The following DHX38 variants were observed in gnomAD, a reference collection of about 807,000 sequenced individuals.
DHX38 encodes the protein DEAH-box helicase 38.
DHX38 carries 100 observed loss-of-function variants against 153.1 expected under a neutral mutation model. The ratio of observed to expected loss-of-function variants is 0.65; its 90% CI spans 0.56 to 0.77. The LOEUF is 0.77. DHX38 is among the 30% of genes least tolerant of loss of function. The pLI, the probability that DHX38 is intolerant of heterozygous loss-of-function variation, is 0.00. For synonymous variants in DHX38, 650 were observed against 631.7 expected (o/e 1.03, Z -0.43); for missense variants, 1,440 against 1,654.0 (o/e 0.87, Z 2.24).
chr16:72,110,317 T>C (rs2042240527), intron 25 of DHX38, among the ~76,000 whole-genome samples: 2 of 152,266 alleles, frequency 1.3e-5, no homozygotes, highest in South Asian at 4.1e-4. Flanking sequence ...AGATCCCGGC[T>C]GAGCTGCGTG....
rs191487838 is a variant in DHX38 at position 72,098,554 on chromosome 16, T to C, written c.617-91T>C. The C allele has an allele frequency of 1.8e-5, 27 of 1,508,546 alleles. No homozygotes were observed. In the East Asian group the frequency reaches 6.2e-4, roughly 35 times the overall value. The allele number at this position is 1,508,546 out of a possible 1,614,324, so 93.4% of individuals were successfully genotyped here. ...CAAGGTTTAGAAATAGTAAAAGGAGTAAATTTGGGGAATTGACTTTTGGCA... is the reference window on the plus strand; with the variant it reads ...CAAGGTTTAGAAATAGTAAAAGGAGCAAATTTGGGGAATTGACTTTTGGCA... On this transcript the variant is annotated intron_variant, in intron 4 of 26. Transcript: ENST00000268482.
chr16:72,101,228 G>A (rs1597442060), intron 10 of DHX38, 35 bp downstream of exon 10: 5 of 1,610,914 alleles, frequency 3.1e-6, no homozygotes, highest in African/African-American at 1.3e-5. Flanking sequence ...GGAAGTTTAT[G>A]TGTATTTTTT....
chr16:72,095,497 G>A (rs1406626023), intron 1 of DHX38, among the ~76,000 whole-genome samples: 1 of 152,132 alleles, frequency 6.6e-6, no homozygotes, highest in African/African-American at 2.4e-5. Flanking sequence ...AAAAAAATGG[G>A]TGAGGGACCA....
intron 12 of DHX38, 111 bp downstream of exon 12, chr16:72,103,322 G>A (rs1391355347): frequency 7.0e-6 from 10 of 1,427,290 alleles, no homozygotes; most frequent in Non-Finnish European, 9.4e-6. Context: ...GTGGAGAAGG[G>A]AAATACTTTT....
chr16:72,110,539 T>C (rs1047922429), intron 25 of DHX38, among the ~76,000 whole-genome samples: 4 of 152,218 alleles, frequency 2.6e-5, no homozygotes, highest in Non-Finnish European at 4.4e-5. Context: ...ATATTTAGGG[T>C]TGCAAAATGG....
chr16:72,098,231 G>A (rs1448470738), intron 4 of DHX38, among the ~76,000 whole-genome samples: 2 of 152,026 alleles, frequency 1.3e-5, no homozygotes, highest in South Asian at 2.1e-4. Flanking sequence ...TCAGGAGTTC[G>A]AGACCAGCCT....
intron 18 of DHX38, 113 bp downstream of exon 18, chr16:72,105,737 G>A: frequency 1.1e-6 from 1 of 937,792 alleles, no homozygotes; most frequent in Non-Finnish European, 1.7e-6. Context: ...GCGCGTGGAA[G>A]TGGTGGTGGT....
In DHX38 at chr16:72,108,398, A is replaced by T; in HGVS notation, c.3120+16A>T. On this transcript the variant is annotated intron_variant, in intron 22 of 26. Coordinates refer to ENST00000268482, the MANE Select transcript of DHX38 (RefSeq NM_014003.4). ...CATGCGGAAGGTAGAGTGGTGGATG[A>T]GCAGGATGTTGGGATGAGGGGAGGG... 1 of 1,613,938 alleles carries T rather than the reference A, an allele frequency of 6.2e-7. No individual in the cohort carries two copies. The highest frequency in any genetic ancestry group is 8.5e-7 in the Non-Finnish European group (1 of 1,179,856).
At chr16:72,101,835 T>A (rs2042106128) in intron 11 of DHX38, among the ~76,000 whole-genome samples, 1 of 152,162 alleles carries the variant, frequency 6.6e-6, no homozygotes, top group Non-Finnish European at 1.5e-5. Context: ...CCTCTGGTGC[T>A]GGTGTTGTGA....
At position 72,108,362 on chromosome 16, in the gene DHX38, C is replaced by T; in HGVS notation, c.3100C>T (p.His1034Tyr). 6.2e-7 allele frequency: 1 copy of T among 1,614,156 alleles called. No individual in the cohort carries two copies. Among genetic ancestry groups the T allele is most frequent in the Non-Finnish European group, 8.5e-7 (1 of 1,180,036 alleles). Residue 1034 changes from histidine to tyrosine, a missense_variant, in exon 22 of 27, where the codon CAT becomes TAT. By Grantham distance (83) the His-to-Tyr change is moderately conservative. Transcript: ENST00000268482. ...CATCTGGTGTAACGATCATTTCATC[C>T]ATGCTAAGGCCATGCGGAAGGTAGA... ...STIWCNDHFI[H>Y]AKAMRKVREV...
At position 72,107,213 on chromosome 16, in the gene DHX38, C is replaced by T. The variant is rs1265872022; in HGVS notation, c.2601-127C>T. On this transcript the variant is annotated intron_variant, in intron 19 of 26. Coordinates refer to ENST00000268482, the MANE Select transcript of DHX38 (RefSeq NM_014003.4). This position sits in a 1 kb window ranked among gnomAD's most constrained non-coding sequence, Gnocchi z 5.3. Reference sequence around the variant, plus strand: ...ATTGGAGTTTTGAATAGGTGGAAGTCAGTGATTCACTGAAGTAGTGGGTGG... The same window carrying T: ...ATTGGAGTTTTGAATAGGTGGAAGTTAGTGATTCACTGAAGTAGTGGGTGG... The T allele has an allele frequency of 1.2e-5, 12 of 968,114 alleles. No homozygotes were observed. The East Asian group carries it at 2.5e-4, about 20-fold the overall frequency. The allele number at this position is 968,114 out of a possible 1,614,324, so 60.0% of individuals were successfully genotyped here. A position where few individuals can be genotyped will look rare whatever the true frequency, so the allele number is the denominator to read the frequency against.
At position 72,104,108 on chromosome 16, in the gene DHX38, G is replaced by T. The variant is rs2042138895; in HGVS notation, c.1987G>T (p.Val663Leu). The change falls in exon 14 of 27, where the codon GTG becomes TTG. Residue 663 changes from valine (V) to leucine (L), a missense_variant. Val to Leu is a conservative substitution (Grantham distance 32). This residue lies in a region of DHX38 where 543 missense variants were observed against 717.9 expected (regional missense o/e 0.76). Transcript: ENST00000268482. This position sits in a 1 kb window ranked among gnomAD's most constrained non-coding sequence, Gnocchi z 4.5. The part of the protein sequence containing the change: ...EAHERSLNTD[V>L]LFGLLREVVA... ...CCACGAGCGCTCCCTCAACACTGAC[G>T]TGCTCTTTGGGCTGCTCCGGGAGGT... 1 of 1,614,112 alleles carries T rather than the reference G, an allele frequency of 6.2e-7. No individual in the cohort carries two copies. Among genetic ancestry groups the T allele is most frequent in the Non-Finnish European group, 8.5e-7 (1 of 1,179,996 alleles).
Position 72,105,086 on chromosome 16 carries a change from G to A in DHX38, c.2211G>A (p.Ser737=), listed in dbSNP as rs777434617. 1.1e-4 allele frequency: 184 copies of A among 1,614,076 alleles called. No homozygotes were observed. The highest frequency in any genetic ancestry group is 3.3e-5 in the South Asian group (3 of 91,086). The change falls in exon 16 of 27, where the codon TCG becomes TCA. Residue 737 remains serine, a synonymous_variant. Coordinates refer to ENST00000268482, the MANE Select transcript of DHX38 (RefSeq NM_014003.4). The part of the protein sequence containing the change: ...AVKQSLQVHL[S]GAPGDILIFM... The stretch of plus-strand genomic sequence containing the variant: ...AGCAGTCCTTGCAGGTGCACCTGTC[G>A]GGGGCCCCTGGAGACATCCTTATCT...
At position 72,096,220 on chromosome 16, in the gene DHX38, G is replaced by C; in HGVS notation, c.63G>C (p.Gln21His). Reference protein sequence around the residue: ...HRLEGTDLDCQVGGLICKSKS... With the variant: ...HRLEGTDLDCHVGGLICKSKS... Reference sequence around the variant, plus strand: ...TGGAAGGCACTGATCTGGACTGTCAGGTTGGTGGTCTTATTTGCAAGTCCA... The same window carrying C: ...TGGAAGGCACTGATCTGGACTGTCACGTTGGTGGTCTTATTTGCAAGTCCA... Residue 21 changes from glutamine to histidine, a missense_variant, in exon 2 of 27, where the codon CAG becomes CAC. By Grantham distance (24) the Gln-to-His change is conservative. Coordinates refer to ENST00000268482, the MANE Select transcript of DHX38 (RefSeq NM_014003.4). The C allele has an allele frequency of 1.9e-6, 3 of 1,614,152 alleles. No individual in the cohort carries two copies. Among genetic ancestry groups the C allele is most frequent in the Non-Finnish European group, 2.5e-6 (3 of 1,180,010 alleles).
At chr16:72,110,682 G>GTGAACT (rs765996968) in intron 25 of DHX38, among the ~76,000 whole-genome samples, 3 of 152,184 alleles carry the variant, frequency 2.0e-5, no homozygotes, top group Non-Finnish European at 4.4e-5. Context: ...TAGCATAGTT[G>GTGAACT]TGAACTTGAT....
At position 72,107,414 on chromosome 16, in the gene DHX38, C is replaced by G. The variant is rs2042193485; in HGVS notation, c.2675C>G (p.Ala892Gly). The G allele has an allele frequency of 1.9e-6, 3 of 1,614,126 alleles. No homozygotes were observed. The highest frequency in any genetic ancestry group is 1.7e-6 in the Non-Finnish European group (2 of 1,180,050). ...CCCGAGATCCAGAGGACTAACCTGG[C>G]CAACGTGGTGCTGCTGCTCAAGTCC... ...TVPEIQRTNL[A>G]NVVLLLKSLG... is the part of the protein sequence containing the mutation. The change falls in exon 20 of 27, where the codon GCC becomes GGC. Residue 892 changes from alanine to glycine, a missense_variant. This residue lies in a region of DHX38 where 543 missense variants were observed against 717.9 expected (regional missense o/e 0.76). Transcript: ENST00000268482. The surrounding 1 kb of genome is among the most constrained non-coding windows in gnomAD (Gnocchi z 5.3).
rs6680 is a variant in DHX38 at position 72,112,671 on chromosome 16, T to C, written c.*174T>C. The C allele has an allele frequency of 0.41, 309,929 of 752,780 alleles. 68,166 individuals are homozygous for C. Among genetic ancestry groups the C allele is most frequent in the African/African-American group, 0.72 (41,580 of 58,124 alleles). 46.6% of individuals were successfully genotyped at this position (752,780 alleles called of 1,614,324 possible). On this transcript the variant is annotated 3_prime_UTR_variant, in exon 27 of 27. Transcript: ENST00000268482. The stretch of plus-strand genomic sequence containing the variant: ...CTCTCTGGCAGAGGAGGTGGAGTTC[T>C]TCCATGCAGGAGCACGGCATGGCGG...
intron 11 of DHX38, among the ~76,000 whole-genome samples, chr16:72,102,172 C>G (rs182000093): frequency 6.6e-6 from 1 of 152,342 alleles, no homozygotes; most frequent in African/African-American, 2.4e-5. Context: ...CCTCATCCTT[C>G]GAATGCCCTT....
In DHX38 at chr16:72,108,849, A is replaced by C. The variant is rs1424704311; in HGVS notation, c.3305A>C (p.His1102Pro). 1.2e-6 allele frequency: 2 copies of C among 1,613,830 alleles called. No homozygotes were observed. The highest frequency in any genetic ancestry group is 1.7e-6 in the Non-Finnish European group (2 of 1,179,980). ...CGCACAGGGATGCCCTGCCACTTGC[A>C]CCCCACCAGCTCCCTTTTTGGAATG... is the stretch of plus-strand genomic sequence containing the variant. The part of the protein sequence containing the change: ...NIRTGMPCHL[H>P]PTSSLFGMGY... Residue 1102 changes from histidine to proline, a missense_variant, in exon 24 of 27, where the codon CAC becomes CCC. His to Pro is a moderately conservative substitution (Grantham distance 77). Transcript: ENST00000268482.
Sources: gnomAD v4.1 joint callset for allele counts (sites outside exome capture counted in the v4.1 genomes callset) on GRCh38, gnomAD v4.1.1 for gene constraint, gnomAD v4.1.1 regional missense constraint, Gnocchi (gnomAD v3.1) non-coding constraint, MANE v1.5 for transcripts, NCBI Gene and HGNC (gene_info 2026-07-23, HGNC 2026-07-21) for gene names.